RBFOX1: variants seen among roughly 807,000 people sequenced by gnomAD.
RBFOX1 encodes the protein RNA binding fox-1 homolog 1.
A neutral mutation model predicts 57.7 loss-of-function variants in RBFOX1; 8 were observed. That is an observed-to-expected ratio of 0.14 (90% confidence interval 0.08 to 0.25). The LOEUF is 0.25. Ranked by LOEUF, RBFOX1 falls within the 10% of genes least tolerant of loss-of-function variation. The pLI is 1.00. For synonymous variants in RBFOX1, 326 were observed against 222.4 expected, an observed-to-expected ratio of 1.47 and a Z score of -4.15; for missense variants, 611 against 548.5, an observed-to-expected ratio of 1.11 and a Z score of -1.14.
chr16:6,031,649 A>G (rs2095291729), intron 1 of RBFOX1, among the ~76,000 whole-genome samples: 1 of 152,170 alleles, frequency 6.6e-6, no homozygotes, highest in African/African-American at 2.4e-5. Context: ...ATGTACATGC[A>G]TGTATGTGGC....
intron 3 of RBFOX1, among the ~76,000 whole-genome samples, chr16:6,968,272 T>G (rs1441715032): frequency 6.6e-6 from 1 of 152,206 alleles, no homozygotes; most frequent in Non-Finnish European, 1.5e-5. Context: ...AAGCTGTCAC[T>G]TGGAGAGAGG....
At chr16:7,118,092 C>A (rs953176570) in intron 4 of RBFOX1, among the ~76,000 whole-genome samples, 9 of 152,118 alleles carry the variant, frequency 5.9e-5, no homozygotes, top group African/African-American at 2.2e-4. Context: ...GGGTAGATAA[C>A]CAGTAGTGGG....
At chr16:6,740,109 C>T (rs1307027988) in intron 3 of RBFOX1, among the ~76,000 whole-genome samples, 2 of 152,162 alleles carry the variant, frequency 1.3e-5, no homozygotes, top group African/African-American at 4.8e-5. Context: ...AATACTAATT[C>T]AGTATTTGAA....
chr16:5,597,337 C>T (rs573145571), intron 2 of RBFOX1, among the ~76,000 whole-genome samples: 11 of 148,976 alleles, frequency 7.4e-5, no homozygotes, highest in Non-Finnish European at 1.6e-4. Flanking sequence ...TTGAGACACA[C>T]ACGACCCTCT....
intron 1 of RBFOX1, among the ~76,000 whole-genome samples, chr16:5,319,879 C>A (rs939293885): frequency 1.3e-5 from 2 of 152,192 alleles, no homozygotes; most frequent in African/African-American, 4.8e-5. Flanking sequence ...CCTAGACTCT[C>A]TGTATCCACC....
Position 7,630,671 on chromosome 16 carries a change from T to C in RBFOX1, c.745T>C (p.Tyr249His), listed in dbSNP as rs1288271386. The stretch of plus-strand genomic sequence containing the variant: ...GTACAGTGCCCCCAGTTCACTTGTA[T>C]ATACTTCTGCAAGTAAGCCCACTGT... Reference protein sequence around the residue: ...SMYSAPSSLVYTSAMPGFPYP... With the variant: ...SMYSAPSSLVHTSAMPGFPYP... The change falls in exon 11 of 16, where the codon TAT becomes CAT. Residue 249 changes from tyrosine (Y) to histidine (H), a missense_variant. Tyr to His is a moderately conservative substitution (Grantham distance 83, BLOSUM62 2). Coordinates refer to ENST00000550418, the MANE Select transcript of RBFOX1 (RefSeq NM_018723.4). The C allele has an allele frequency of 1.2e-6, 2 of 1,614,218 alleles. No homozygotes were observed. The highest frequency in any genetic ancestry group is 1.7e-6 in the Non-Finnish European group (2 of 1,180,042).
rs112072926 is a variant in RBFOX1 at position 7,612,012 on chromosome 16, C to A, written c.676+4674C>A. ...TCTAAAATCTAATCATCTCCAGAGTCCTTGAGGCTTATTCAAGACAAATGA... is the reference window on the plus strand; with the variant it reads ...TCTAAAATCTAATCATCTCCAGAGTACTTGAGGCTTATTCAAGACAAATGA... On this transcript the variant is annotated intron_variant, in intron 10 of 15. Coordinates refer to ENST00000550418, the MANE Select transcript of RBFOX1 (RefSeq NM_018723.4). Among the ~76,000 whole-genome samples the A allele has an allele frequency of 1.8e-3, 269 of 152,166 alleles. 5 individuals are homozygous for A. Among genetic ancestry groups the A allele is most frequent in the African/African-American group, 6.0e-3 (250 of 41,532 alleles).
chr16:7,697,954 G>A (rs191940361), intron 14 of RBFOX1, among the ~76,000 whole-genome samples: 23 of 152,254 alleles, frequency 1.5e-4, no homozygotes, highest in African/African-American at 3.6e-4. Flanking sequence ...GTTTAGTTCC[G>A]TGTGCTGGGA....
intron 2 of RBFOX1, among the ~76,000 whole-genome samples, chr16:6,576,488 C>G (rs1008459805): frequency 2.0e-5 from 3 of 152,166 alleles, no homozygotes; most frequent in African/African-American, 7.2e-5. Flanking sequence ...GTACTCTGAA[C>G]TGTTCATTCT....
chr16:7,245,616 G>A (rs977475022), intron 4 of RBFOX1, among the ~76,000 whole-genome samples: 9 of 152,304 alleles, frequency 5.9e-5, no homozygotes, highest in Admixed American at 5.9e-4. Flanking sequence ...TAAACTTTTG[G>A]AGAGCTAGAG....
intron 1 of RBFOX1, among the ~76,000 whole-genome samples, chr16:5,297,657 T>C (rs570468475): frequency 5.6e-4 from 85 of 152,350 alleles, no homozygotes; most frequent in Non-Finnish European, 1.1e-3. Context: ...TTATCAGATG[T>C]ATGGTTTGCA....
At chr16:6,676,073 G>T (rs1377776521) in intron 3 of RBFOX1, among the ~76,000 whole-genome samples, 1 of 151,692 alleles carries the variant, frequency 6.6e-6, no homozygotes, top group East Asian at 1.9e-4. Context: ...CAACATAGGG[G>T]TTTGGGGTTG....
chr16:5,836,190 C>T (rs970198347), intron 3 of RBFOX1, among the ~76,000 whole-genome samples: 2 of 152,158 alleles, frequency 1.3e-5, no homozygotes, highest in African/African-American at 4.8e-5. Context: ...GACATGGGCT[C>T]TGCAGCTGGG....
chr16:7,550,768 A>T (rs1240468890), intron 5 of RBFOX1, among the ~76,000 whole-genome samples: 2 of 152,136 alleles, frequency 1.3e-5, no homozygotes, highest in Non-Finnish European at 2.9e-5. Flanking sequence ...CTCAGTATCC[A>T]CAATGACTAC....
At chr16:5,454,633 C>G (rs1378880415) in intron 1 of RBFOX1, among the ~76,000 whole-genome samples, 1 of 152,168 alleles carries the variant, frequency 6.6e-6, no homozygotes, top group East Asian at 1.9e-4. Context: ...ACTATGGCAT[C>G]TACTCTACCT....
intron 4 of RBFOX1, among the ~76,000 whole-genome samples, chr16:7,311,687 G>T (rs2096313170): frequency 6.6e-6 from 1 of 152,120 alleles, no homozygotes; most frequent in African/African-American, 2.4e-5. Context: ...AGAAGGAACA[G>T]CGAGGTTTAC....
chr16:6,500,876 G>GTTTTT (rs1190261525), intron 2 of RBFOX1, among the ~76,000 whole-genome samples: 2 of 30,118 alleles, frequency 6.6e-5, no homozygotes, highest in East Asian at 9.8e-4. Flanking sequence ...TTGGGGAGTA[G>GTTTTT]TTTTTTTTTT....
At chr16:6,033,043 G>A (rs2095312792) in intron 1 of RBFOX1, among the ~76,000 whole-genome samples, 1 of 152,026 alleles carries the variant, frequency 6.6e-6, no homozygotes, top group Admixed American at 6.6e-5. Flanking sequence ...GGTTGGGTAT[G>A]GCCTTGTCGT....
chr16:7,027,054 C>G (rs534228163), intron 3 of RBFOX1, among the ~76,000 whole-genome samples: 2 of 152,114 alleles, frequency 1.3e-5, no homozygotes, highest in African/African-American at 4.8e-5. Flanking sequence ...AACAATAGGA[C>G]CCTTGCTGAG....
Sources: gnomAD v4.1 joint callset for allele counts (sites outside exome capture counted in the v4.1 genomes callset) on GRCh38, gnomAD v4.1.1 for gene constraint, MANE v1.5 for transcripts, NCBI Gene and HGNC (gene_info 2026-07-23, HGNC 2026-07-21) for gene names.